Variants in ROBO1 observed in about 807,000 individuals in gnomAD.
ROBO1 encodes the protein roundabout guidance receptor 1.
A neutral mutation model predicts 195.9 loss-of-function variants in ROBO1; 149 were observed. That is an observed-to-expected ratio of 0.76 (90% CI 0.67 to 0.87). ROBO1 has a LOEUF of 0.87. Among genes scored for constraint, ROBO1 ranks in the 40% least tolerant of loss-of-function variants. ROBO1 has a pLI of 0.00. For synonymous variants in ROBO1, 816 were observed against 733.2 expected, an observed-to-expected ratio of 1.11 and a Z score of -1.82; for missense variants, 1,933 against 2,068.3, an observed-to-expected ratio of 0.93 and a Z score of 1.27.
chr3:79,001,993 G>T (rs1387200894), intron 3 of ROBO1, among the ~76,000 whole-genome samples: 1 of 151,972 alleles, frequency 6.6e-6, no homozygotes, highest in Non-Finnish European at 1.5e-5. Context: ...AACAGTTATG[G>T]AGCTCCCACT....
intron 1 of ROBO1, among the ~76,000 whole-genome samples, chr3:79,706,149 T>C (rs1193319401): frequency 6.6e-6 from 1 of 152,130 alleles, no homozygotes; most frequent in Admixed American, 6.6e-5. Context: ...CATTTTATTT[T>C]CTTGTTTTGT....
intron 2 of ROBO1, among the ~76,000 whole-genome samples, chr3:79,193,321 T>C (rs1398597291): frequency 6.6e-6 from 1 of 151,692 alleles, no homozygotes. Context: ...AGGACATACT[T>C]TTCCAATCAC....
chr3:79,749,481 T>C (rs1163512803), intron 1 of ROBO1, among the ~76,000 whole-genome samples: 1 of 152,134 alleles, frequency 6.6e-6, no homozygotes, highest in African/African-American at 2.4e-5. Context: ...GAAGGCAATG[T>C]GGAAAATGCC....
At chr3:78,622,733 T>G (rs529283119) in intron 26 of ROBO1, among the ~76,000 whole-genome samples, 2 of 152,338 alleles carry the variant, frequency 1.3e-5, no homozygotes, top group South Asian at 4.1e-4. Flanking sequence ...TTAACTGGCC[T>G]GGCAACTTCC....
intron 2 of ROBO1, among the ~76,000 whole-genome samples, chr3:79,227,674 G>T (rs1470509784): frequency 1.3e-5 from 2 of 152,132 alleles, no homozygotes; most frequent in East Asian, 3.9e-4. Flanking sequence ...TACCTCCAGT[G>T]CCAACAGCTT....
At chr3:79,477,043 A>G (rs1015026715) in intron 2 of ROBO1, among the ~76,000 whole-genome samples, 2 of 152,126 alleles carry the variant, frequency 1.3e-5, no homozygotes, top group African/African-American at 4.8e-5. Flanking sequence ...CAGAACGTCA[A>G]ATTTCCATGA....
chr3:78,681,915 T>C (rs763819836), intron 10 of ROBO1, among the ~76,000 whole-genome samples: 10 of 152,004 alleles, frequency 6.6e-5, no homozygotes, highest in Non-Finnish European at 1.5e-4. Context: ...CGGAGAAGCA[T>C]GGCAAGCACA....
chr3:79,238,543 T>C (rs1017407286), intron 2 of ROBO1, among the ~76,000 whole-genome samples: 1 of 152,194 alleles, frequency 6.6e-6, no homozygotes, highest in Non-Finnish European at 1.5e-5. Flanking sequence ...CTTCATATAT[T>C]TAAGTTCCAC....
intron 4 of ROBO1, among the ~76,000 whole-genome samples, chr3:78,812,004 G>C (rs778531153): frequency 5.3e-5 from 8 of 152,048 alleles, no homozygotes; most frequent in Non-Finnish European, 1.2e-4. Context: ...CGGTGGAATC[G>C]TTTCCTAGCA....
chr3:79,435,310 T>C (rs1489223994), intron 2 of ROBO1, among the ~76,000 whole-genome samples: 2 of 152,170 alleles, frequency 1.3e-5, no homozygotes, highest in Non-Finnish European at 2.9e-5. Context: ...GGTCTTGCGC[T>C]ACTGGCTTCA....
At chr3:79,644,874 T>A (rs1259892702) in intron 1 of ROBO1, among the ~76,000 whole-genome samples, 1 of 152,010 alleles carries the variant, frequency 6.6e-6, no homozygotes, top group East Asian at 2.0e-4. Context: ...TTTCTGACTG[T>A]AATGAAATAA....
chr3:79,327,303 G>T (rs1464772693), intron 2 of ROBO1, among the ~76,000 whole-genome samples: 2 of 151,692 alleles, frequency 1.3e-5, no homozygotes, highest in African/African-American at 4.8e-5. Flanking sequence ...AAAATATATA[G>T]ATATATAAAT....
chr3:79,477,902 C>T (rs1320116513), intron 2 of ROBO1, among the ~76,000 whole-genome samples: 1 of 152,172 alleles, frequency 6.6e-6, no homozygotes, highest in Non-Finnish European at 1.5e-5. Context: ...AAGGCCTATG[C>T]ATGCTTTTAA....
chr3:78,903,663 G>T (rs575002086), intron 4 of ROBO1, among the ~76,000 whole-genome samples: 1 of 151,736 alleles, frequency 6.6e-6, no homozygotes, highest in African/African-American at 2.4e-5. Context: ...ATGTAAGTGT[G>T]GTTATCTTTA....
chr3:79,461,528 T>C (rs1047558874), intron 2 of ROBO1, among the ~76,000 whole-genome samples: 3 of 152,206 alleles, frequency 2.0e-5, no homozygotes, highest in African/African-American at 7.2e-5. Context: ...TTGTCATCCA[T>C]ACATTATTGT....
chr3:79,071,670 C>T (rs1391969068), intron 3 of ROBO1, among the ~76,000 whole-genome samples: 1 of 151,030 alleles, frequency 6.6e-6, no homozygotes. Flanking sequence ...GCTATTCATG[C>T]CTTATATAAG....
At chr3:78,896,479 T>C (rs1373498555) in intron 4 of ROBO1, among the ~76,000 whole-genome samples, 1 of 151,672 alleles carries the variant, frequency 6.6e-6, no homozygotes, top group Non-Finnish European at 1.5e-5. Flanking sequence ...TTTGTAACTC[T>C]CCCCACCCTT....
At chr3:79,134,364 C>T (rs558909633) in intron 2 of ROBO1, among the ~76,000 whole-genome samples, 637 of 108,420 alleles carry the variant, frequency 5.9e-3, no homozygotes, top group Non-Finnish European at 7.6e-3. Context: ...GTTAGAATGG[C>T]AATCATTAAA....
chr3:78,936,034 T>C (rs530468155), intron 4 of ROBO1, among the ~76,000 whole-genome samples: 11 of 152,150 alleles, frequency 7.2e-5, no homozygotes, highest in South Asian at 6.2e-4. Context: ...CACTGAGGTC[T>C]ACCCTTGTTA....
Sources: gnomAD v4.1 joint callset for allele counts (sites outside exome capture counted in the v4.1 genomes callset) on GRCh38, gnomAD v4.1.1 for gene constraint, MANE v1.5 for transcripts, NCBI Gene and HGNC (gene_info 2026-07-23, HGNC 2026-07-21) for gene names.